The following USP47 variants were observed in gnomAD, a reference collection of about 807,000 sequenced individuals.
USP47 encodes the protein ubiquitin carboxyl-terminal hydrolase 47.
In USP47, 35 loss-of-function variants were observed where a neutral mutation model predicts 165.1. The ratio of observed to expected loss-of-function variants is 0.21; its 90% CI spans 0.16 to 0.28. USP47 has a LOEUF of 0.28. Ranked by LOEUF, USP47 falls within the 10% of genes least tolerant of loss-of-function variation. The pLI is 1.00. For synonymous variants in USP47, 531 were observed against 544.5 expected (o/e 0.98, Z 0.35); for missense variants, 1,277 against 1,607.4 (o/e 0.79, Z 3.52).
In USP47 at chr11:11,957,675, C is replaced by T. The variant is rs1237109677; in HGVS notation, c.*1500C>T. ...AAGTTCTCATAAGAGAAATGAAAAGCTGTGTTAATATCTAACTTTGGGGAA... is the reference window on the plus strand; with the variant it reads ...AAGTTCTCATAAGAGAAATGAAAAGTTGTGTTAATATCTAACTTTGGGGAA... On this transcript the variant is annotated 3_prime_UTR_variant, in exon 28 of 28. Transcript: ENST00000527733. The T allele has an allele frequency of 3.3e-5, 5 of 152,364 alleles. No individual in the cohort carries two copies. Among genetic ancestry groups the T allele is most frequent in the African/African-American group, 4.8e-5 (2 of 41,382 alleles). The allele number at this position is 152,364 out of a possible 1,614,324, so 9.4% of individuals were successfully genotyped here.
At chr11:11,944,723 C>T (rs1255603993) in intron 20 of USP47, among the ~76,000 whole-genome samples, 1 of 152,152 alleles carries the variant, frequency 6.6e-6, no homozygotes, top group Non-Finnish European at 1.5e-5. Flanking sequence ...ACTGTTCTTT[C>T]CTTGCATCTT....
chr11:11,905,341 A>G, intron 7 of USP47, 58 bp from the exon 8 acceptor site: 1 of 1,318,512 alleles, frequency 7.6e-7, no homozygotes, highest in Non-Finnish European at 1.0e-6. Context: ...GTAGAATGTT[A>G]CATGTTTTAA....
intron 1 of USP47, among the ~76,000 whole-genome samples, chr11:11,855,566 A>T (rs1264192672): frequency 6.6e-6 from 1 of 152,212 alleles, no homozygotes; most frequent in Non-Finnish European, 1.5e-5. Flanking sequence ...TAGAACTTAA[A>T]TCTTTCTGTA....
intron 1 of USP47, among the ~76,000 whole-genome samples, chr11:11,859,497 A>G (rs570527825): frequency 6.6e-6 from 1 of 152,274 alleles, no homozygotes; most frequent in South Asian, 2.1e-4. Flanking sequence ...TTGTCGCTAA[A>G]TTATGTATCT....
At chr11:11,879,571 TC>T (rs1161174651) in intron 1 of USP47, among the ~76,000 whole-genome samples, 4 of 152,036 alleles carry the variant, frequency 2.6e-5, no homozygotes, top group Non-Finnish European at 4.4e-5. Context: ...TGTTTTTCCT[TC>T]CCCCTCCTCC....
chr11:11,861,329 C>T (rs1849372455), intron 1 of USP47, among the ~76,000 whole-genome samples: 3 of 152,218 alleles, frequency 2.0e-5, no homozygotes, highest in Admixed American at 6.5e-5. Context: ...CTCCTGACCT[C>T]GGGTGATTCG....
chr11:11,878,369 T>G (rs1850614717), intron 1 of USP47, among the ~76,000 whole-genome samples: 1 of 152,210 alleles, frequency 6.6e-6, no homozygotes, highest in Non-Finnish European at 1.5e-5. Context: ...TCAGACTTGA[T>G]CTATCCCTGA....
In USP47 at chr11:11,952,737, T is replaced by C. The variant is rs1321065127; in HGVS notation, c.3584-4T>C. ...AATGATGACCTAATCTTGCATATTCTTAGGGGTAGAGAAGATGAAGTCCAT... is the reference window on the plus strand; with the variant it reads ...AATGATGACCTAATCTTGCATATTCCTAGGGGTAGAGAAGATGAAGTCCAT... On this transcript the variant is annotated splice_region_variant and splice_polypyrimidine_tract_variant and intron_variant, in intron 24 of 27. Transcript: ENST00000527733. The C allele has an allele frequency of 1.9e-6, 3 of 1,590,336 alleles. No individual in the cohort carries two copies. In the African/African-American group the frequency reaches 4.1e-5, roughly 22 times the overall value.
intron 14 of USP47, among the ~76,000 whole-genome samples, chr11:11,932,276 A>G (rs1369892924): frequency 1.3e-5 from 2 of 152,158 alleles, no homozygotes; most frequent in Admixed American, 6.5e-5. Flanking sequence ...CTTGACCCAG[A>G]CATCTCCCAC....
At chr11:11,879,925 A>G (rs1850721849) in intron 1 of USP47, among the ~76,000 whole-genome samples, 1 of 152,120 alleles carries the variant, frequency 6.6e-6, no homozygotes, top group Admixed American at 6.6e-5. Context: ...GTGAAAGCAA[A>G]TATCTCCAAA....
chr11:11,936,441 A>G lies in USP47; in HGVS notation c.2008A>G (p.Thr670Ala), dbSNP rs1219606429. ...GCTTCTACTAGGTGGCGTCAAGTCAACATATATGTTTGATCTGCTGTTGGA... is the reference window on the plus strand; with the variant it reads ...GCTTCTACTAGGTGGCGTCAAGTCAGCATATATGTTTGATCTGCTGTTGGA... ...MGLLLGGVKSTYMFDLLLETR... is the reference protein window; with the variant it reads ...MGLLLGGVKSAYMFDLLLETR... The change falls in exon 17 of 28, where the codon ACA (threonine) becomes GCA (alanine). Residue 670 changes from threonine (T) to alanine (A), a missense_variant. Around this residue, in one of 4 missense-constraint regions of USP47, gnomAD observed 909 missense variants for 1,068.1 expected, o/e 0.85. Coordinates refer to ENST00000527733, the MANE Select transcript of USP47 (RefSeq NM_001282659.2). The G allele has an allele frequency of 1.9e-6, 3 of 1,609,790 alleles. No homozygotes were observed. The highest frequency in any genetic ancestry group is 1.1e-5 in the South Asian group (1 of 90,762).
At chr11:11,842,839 C>CTTT (rs56251946) in intron 1 of USP47, among the ~76,000 whole-genome samples, 13 of 111,310 alleles carry the variant, frequency 1.2e-4, no homozygotes, top group African/African-American at 3.4e-4. Flanking sequence ...GAGCTGAACT[C>CTTT]TTTTTTTTTT....
chr11:11,894,272 A>G (rs1438829572), intron 4 of USP47, among the ~76,000 whole-genome samples: 2 of 152,138 alleles, frequency 1.3e-5, no homozygotes, highest in African/African-American at 4.8e-5. Flanking sequence ...CCTGGCTAAC[A>G]TGGTGAAACC....
At position 11,933,030 on chromosome 11, in the gene USP47, G is replaced by C. The variant is rs377348739; in HGVS notation, c.1678G>C (p.Glu560Gln). The C allele has an allele frequency of 2.5e-6, 4 of 1,612,982 alleles. No homozygotes were observed. Among genetic ancestry groups the C allele is most frequent in the Non-Finnish European group, 3.4e-6 (4 of 1,179,482 alleles). ...AKFLEVDEYP[E>Q]HIKNLVQKER... ...ATTTCTAGAAGTGGATGAATACCCA[G>C]AACATATTAAAAACTTGGTGCAGAA... is the stretch of plus-strand genomic sequence containing the variant. The change falls in exon 15 of 28, where the codon GAA becomes CAA. Residue 560 changes from glutamate (E) to glutamine (Q), a missense_variant. Coordinates refer to ENST00000527733, the MANE Select transcript of USP47 (RefSeq NM_001282659.2).
intron 8 of USP47, among the ~76,000 whole-genome samples, chr11:11,912,969 C>T (rs958198860): frequency 6.6e-6 from 1 of 151,872 alleles, no homozygotes; most frequent in Admixed American, 6.6e-5. Context: ...CTTATAATAA[C>T]TCAGATTACT....
At chr11:11,910,701 C>G (rs1347072809) in intron 8 of USP47, among the ~76,000 whole-genome samples, 2 of 152,046 alleles carry the variant, frequency 1.3e-5, no homozygotes, top group African/African-American at 2.4e-5. Flanking sequence ...TTCAGATGTC[C>G]ACATAGGCCA....
intron 1 of USP47, among the ~76,000 whole-genome samples, chr11:11,860,540 A>G (rs1251633290): frequency 6.6e-6 from 1 of 152,242 alleles, no homozygotes; most frequent in African/African-American, 2.4e-5. Context: ...TAATATTCTT[A>G]AGAATTACTG....
rs201553554 is a variant in USP47, at chr11:11,862,678, TTTCTC to T, written c.40-17494_40-17490del. ...TAGAAAAGCTAAGGCTAAGAAGACT[TTTCTC>T]TTCTTTTAATTTGTATAAACGTATG... On this transcript the variant is annotated intron_variant, in intron 1 of 27. Transcript: ENST00000527733. 8.2e-3 allele frequency among the ~76,000 whole-genome samples: 1,241 copies of T among 152,188 alleles called. 8 individuals carry two copies. The highest frequency in any genetic ancestry group is 0.028 in the African/African-American group (1,169 of 41,516).
At chr11:11,951,207 TTGTC>T (rs1204310563) in intron 24 of USP47, 3 of 152,454 alleles carry the variant, frequency 2.0e-5, no homozygotes, top group African/African-American at 7.2e-5. Flanking sequence ...TTCTGTGGGC[TTGTC>T]TGTCTGTATT....
Sources: allele counts gnomAD v4.1 joint callset (sites outside exome capture counted in the v4.1 genomes callset), GRCh38; gene constraint gnomAD v4.1.1; regional missense constraint gnomAD v4.1.1; transcripts MANE v1.5; gene names NCBI Gene and HGNC (gene_info 2026-07-23, HGNC 2026-07-21).